Variants in FAM161A observed in about 807,000 individuals in gnomAD.
FAM161A encodes protein FAM161A.
A neutral mutation model predicts 70.9 loss-of-function variants in FAM161A; 57 were observed. The ratio of observed to expected loss-of-function variants is 0.80; its 90% CI spans 0.65 to 1.00. The LOEUF (loss-of-function observed/expected upper bound fraction) is 1.00, where lower values mean the gene tolerates loss of function less well. FAM161A is among the 50% of genes least tolerant of loss of function. The pLI is 0.00. For synonymous variants in FAM161A, 299 were observed against 295.7 expected (o/e 1.01, Z -0.12); for missense variants, 880 against 836.0 (o/e 1.05, Z -0.65).
Position 61,826,296 on chromosome 2 carries a change from C to G in FAM161A, c.*159G>C, listed in dbSNP as rs1290223305. 1.3e-6 allele frequency: 1 copy of G among 770,206 alleles called. No homozygotes were observed. The highest frequency in any genetic ancestry group is 2.7e-5 in the East Asian group (1 of 37,506). The allele number at this position is 770,206 out of a possible 1,614,324, so 47.7% of individuals were successfully genotyped here. Reference sequence around the variant, plus strand: ...GCCTTACTCTAACTGATCAAATGACCAATCAGCTGGATTCAGGCTTTTCAG... The same window carrying G: ...GCCTTACTCTAACTGATCAAATGACGAATCAGCTGGATTCAGGCTTTTCAG... On this transcript the variant is annotated 3_prime_UTR_variant, in exon 7 of 7. Coordinates refer to ENST00000404929, the MANE Select transcript of FAM161A (RefSeq NM_001201543.2).
At chr2:61,816,484 A>G in the FAM161A span, among the ~76,000 whole-genome samples, 32 of 152,146 alleles carry the variant, frequency 2.1e-4, no homozygotes, top group Admixed American at 1.5e-3. Flanking sequence ...TAATTGAGAC[A>G]GGGTCTTGCT....
At chr2:61,819,641 G>C in the FAM161A span, among the ~76,000 whole-genome samples, 1 of 152,082 alleles carries the variant, frequency 6.6e-6, no homozygotes, top group South Asian at 2.1e-4. Flanking sequence ...CACTGACTTT[G>C]TCAGGCTTCC....
At position 61,838,974 on chromosome 2, in the gene FAM161A, C is replaced by T. The variant is rs183142303; in HGVS notation, c.1584-269G>A. Among the ~76,000 whole-genome samples, 2,194 of 151,592 alleles carry T rather than the reference C, an allele frequency of 0.014. 144 individuals are homozygous for T. In the East Asian group the frequency reaches 0.19, roughly 13 times the overall value. On this transcript the variant is annotated intron_variant, in intron 3 of 6. Transcript: ENST00000404929. ...CTCGGCTCACTGCAACCTCTGCCTCCTGGATTCAAGCGATTCTCCTGCCTC... is the reference window on the plus strand; with the variant it reads ...CTCGGCTCACTGCAACCTCTGCCTCTTGGATTCAAGCGATTCTCCTGCCTC...
At position 61,824,994 on chromosome 2, in the gene FAM161A, A is replaced by T; in HGVS notation, c.*1461T>A. 1 of 453,254 alleles carries T rather than the reference A, an allele frequency of 2.2e-6. No homozygotes were observed. The highest frequency in any genetic ancestry group is 4.4e-6 in the Non-Finnish European group (1 of 226,616). The allele number at this position is 453,254 out of a possible 1,614,324, so 28.1% of individuals were successfully genotyped here. On this transcript the variant is annotated 3_prime_UTR_variant, in exon 7 of 7. Transcript: ENST00000404929. ...TATAATAATAGTAAAAAGTAATTTA[A>T]CACGAACTGTAGGAAGAAAATTACA...
the FAM161A span, among the ~76,000 whole-genome samples, chr2:61,807,743 C>T: frequency 6.6e-6 from 1 of 150,918 alleles, no homozygotes; most frequent in African/African-American, 2.4e-5. Context: ...AGGGCTCAAG[C>T]ATTCCTCCCA....
chr2:61,823,368 T>G (rs1229968833), downstream of FAM161A, among the ~76,000 whole-genome samples: 11 of 7,208 alleles, frequency 1.5e-3, no homozygotes, highest in African/African-American at 2.3e-3. Context: ...CCATCATATA[T>G]ATATATATAT....
intron 1 of FAM161A, chr2:61,847,078 C>A (rs924864123): frequency 2.9e-6 from 1 of 350,126 alleles, no homozygotes. Flanking sequence ...AGGAGAATCG[C>A]TTGAATCCAG....
chr2:61,827,750 G>T (rs1037911952), intron 5 of FAM161A, among the ~76,000 whole-genome samples: 2 of 152,024 alleles, frequency 1.3e-5, no homozygotes, highest in Admixed American at 6.6e-5. Flanking sequence ...CCACATATGA[G>T]TCCCAAGGGA....
At chr2:61,805,987 G>A in the FAM161A span, among the ~76,000 whole-genome samples, 262 of 152,260 alleles carry the variant, frequency 1.7e-3, 1 homozygote, top group African/African-American at 5.9e-3. Context: ...GGAAGCCAAG[G>A]CAGGATGATC....
the FAM161A span, chr2:61,803,297 C>A: frequency 1.6e-6 from 1 of 635,196 alleles, no homozygotes; most frequent in South Asian, 1.5e-5. Context: ...ATTTATGATT[C>A]CTTGGATTAT....
At chr2:61,820,304 A>C (rs530108507), downstream of FAM161A, 5 of 727,768 alleles carry the variant, frequency 6.9e-6, no homozygotes, top group African/African-American at 1.7e-5. Context: ...CATTCTGAGC[A>C]ATGGGGAATG....
downstream of FAM161A, among the ~76,000 whole-genome samples, chr2:61,822,745 C>T (rs1672229426): frequency 6.6e-6 from 1 of 152,104 alleles, no homozygotes; most frequent in Non-Finnish European, 1.5e-5. Flanking sequence ...TGCTACCACA[C>T]TTGGCTAATT....
chr2:61,801,840 C>G, the FAM161A span, among the ~76,000 whole-genome samples: 1 of 152,020 alleles, frequency 6.6e-6, no homozygotes, highest in African/African-American at 2.4e-5. Context: ...GGATTACAGA[C>G]GTGAGCCACC....
the FAM161A span, among the ~76,000 whole-genome samples, chr2:61,802,096 A>G: frequency 6.6e-6 from 1 of 152,228 alleles, no homozygotes; most frequent in East Asian, 1.9e-4. Context: ...AATCCCTAAA[A>G]GTTCTCTTTA....
the FAM161A span, among the ~76,000 whole-genome samples, chr2:61,814,427 T>C: frequency 6.6e-6 from 1 of 152,226 alleles, no homozygotes; most frequent in African/African-American, 2.4e-5. Flanking sequence ...GGAAATACTG[T>C]TAATACAGTT....
At chr2:61,801,573 T>G in the FAM161A span, among the ~76,000 whole-genome samples, 2 of 150,338 alleles carry the variant, frequency 1.3e-5, no homozygotes, top group African/African-American at 2.5e-5. Flanking sequence ...TTTTGGTTTT[T>G]TTTTTTTTTT....
Position 61,853,878 on chromosome 2 carries a change from G to A in FAM161A, c.164C>T (p.Ala55Val), listed in dbSNP as rs745395970. The A allele has an allele frequency of 6.2e-7, 1 of 1,613,924 alleles. No individual in the cohort carries two copies. Among genetic ancestry groups the A allele is most frequent in the Non-Finnish European group, 8.5e-7 (1 of 1,179,812 alleles). Residue 55 changes from alanine (A) to valine (V), a missense_variant, in exon 1 of 7, where the codon GCT becomes GTT. By Grantham distance (64) the Ala-to-Val change is moderately conservative. Coordinates refer to ENST00000404929, the MANE Select transcript of FAM161A (RefSeq NM_001201543.2). ...ILEDEEEEKV[A>V]QPAGASADLN... Reference sequence around the variant, plus strand: ...TATTACCGATGCCCCAGCGGGCTGAGCCACTTTCTCCTCCTCTTCGTCCTC... The same window carrying A: ...TATTACCGATGCCCCAGCGGGCTGAACCACTTTCTCCTCCTCTTCGTCCTC...
chr2:61,840,308 C>A lies in FAM161A; in HGVS notation c.696G>T (p.Trp232Cys). The A allele has an allele frequency of 6.2e-7, 1 of 1,614,014 alleles. No homozygotes were observed. The highest frequency in any genetic ancestry group is 8.5e-7 in the Non-Finnish European group (1 of 1,180,010). ...AEKRRKKRKE[W>C]VPTITVPEPF... is the part of the protein sequence containing the mutation. ...GCTCCGGTACTGTAATTGTGGGCAC[C>A]CATTCTTTTCGTTTCTTCCTTCTTT... Residue 232 changes from tryptophan (W) to cysteine (C), a missense_variant, in exon 3 of 7, where the codon TGG becomes TGT. By Grantham distance (215) the Trp-to-Cys change is radical. Transcript: ENST00000404929.
rs200596638 is a variant in FAM161A at position 61,840,190 on chromosome 2, G to T, written c.814C>A (p.Gln272Lys). ...IEMVHKALKKQEEDPEYKKKF... is the reference protein window; with the variant it reads ...IEMVHKALKKKEEDPEYKKKF... ...TTCTTATACTCTGGATCCTCTTCTT[G>T]TTTTTTGAGCGCTTTATGTACCATT... The change falls in exon 3 of 7, where the codon CAA (glutamine) becomes AAA (lysine). Residue 272 changes from glutamine to lysine, a missense_variant. Coordinates refer to ENST00000404929, the MANE Select transcript of FAM161A (RefSeq NM_001201543.2). 2.5e-5 allele frequency: 40 copies of T among 1,613,854 alleles called. No homozygotes were observed. The highest frequency in any genetic ancestry group is 3.1e-5 in the Non-Finnish European group (37 of 1,179,998).
Sources: gnomAD v4.1 joint callset for allele counts (sites outside exome capture counted in the v4.1 genomes callset) on GRCh38, gnomAD v4.1.1 for gene constraint, MANE v1.5 for transcripts, NCBI Gene and HGNC (gene_info 2026-07-23, HGNC 2026-07-21) for gene names.